Variants in MACROD2 observed in about 807,000 individuals in gnomAD.
MACROD2 encodes the protein mono-ADP ribosylhydrolase 2.
MACROD2 carries 36 observed loss-of-function variants against 70.4 expected under a neutral mutation model. That is an observed-to-expected ratio of 0.51 (90% confidence interval 0.39 to 0.68). MACROD2 has a LOEUF of 0.68. Ranked by LOEUF, MACROD2 falls within the 30% of genes least tolerant of loss-of-function variation. The probability of loss-of-function intolerance (pLI) is 0.00; values close to 1 mark genes in which losing one functional copy is unlikely to be tolerated. For synonymous variants in MACROD2, 172 were observed against 178.8 expected (o/e 0.96, Z 0.30); for missense variants, 496 against 538.4 (o/e 0.92, Z 0.78).
intron 6 of MACROD2, among the ~76,000 whole-genome samples, chr20:15,368,706 AC>A: frequency 6.6e-6 from 1 of 151,210 alleles, no homozygotes; most frequent in East Asian, 2.0e-4. Flanking sequence ...CAAGTGATCC[AC>A]CCTCCTTGTC....
intron 5 of MACROD2, among the ~76,000 whole-genome samples, chr20:14,732,779 C>G (rs942541286): frequency 2.0e-5 from 3 of 151,982 alleles, no homozygotes; most frequent in African/African-American, 7.3e-5. Context: ...TTTTTCTCCC[C>G]CTTCAATCTT....
At chr20:14,653,077 A>C (rs571589018) in intron 4 of MACROD2, among the ~76,000 whole-genome samples, 1 of 152,226 alleles carries the variant, frequency 6.6e-6, no homozygotes, top group East Asian at 1.9e-4. Context: ...CATATAACTC[A>C]TATCACTCTG....
intron 5 of MACROD2, among the ~76,000 whole-genome samples, chr20:14,973,041 A>G (rs557188383): frequency 3.9e-5 from 6 of 152,164 alleles, no homozygotes; most frequent in African/African-American, 1.2e-4. Context: ...TCTACATCCT[A>G]GCAAGCTGTT....
intron 10 of MACROD2, among the ~76,000 whole-genome samples, chr20:15,930,963 C>A (rs542435538): frequency 2.6e-5 from 4 of 152,222 alleles, no homozygotes; most frequent in Non-Finnish European, 5.9e-5. Context: ...TACCCCTACT[C>A]TGTAGAAGAT....
At chr20:14,132,381 G>C (rs1200934263) in intron 3 of MACROD2, among the ~76,000 whole-genome samples, 1 of 152,020 alleles carries the variant, frequency 6.6e-6, no homozygotes, top group Admixed American at 6.5e-5. Context: ...TGAATTTTAA[G>C]TAAATGCTGA....
intron 8 of MACROD2, among the ~76,000 whole-genome samples, chr20:15,558,794 A>G (rs2048202550): frequency 6.6e-6 from 1 of 152,216 alleles, no homozygotes; most frequent in South Asian, 2.1e-4. Context: ...TACATTAAAA[A>G]TGTTACTGAA....
chr20:15,189,847 T>C (rs2076558891), intron 5 of MACROD2, among the ~76,000 whole-genome samples: 1 of 152,158 alleles, frequency 6.6e-6, no homozygotes, highest in South Asian at 2.1e-4. Flanking sequence ...AGATGATTTT[T>C]TTTTTCCAAC....
intron 8 of MACROD2, among the ~76,000 whole-genome samples, chr20:15,707,474 A>G (rs1458828142): frequency 6.6e-6 from 1 of 152,200 alleles, no homozygotes; most frequent in Non-Finnish European, 1.5e-5. Flanking sequence ...TCTAGTGGAA[A>G]GGGAAAGATA....
At chr20:14,218,788 A>G (rs1334962542) in intron 3 of MACROD2, among the ~76,000 whole-genome samples, 5 of 152,162 alleles carry the variant, frequency 3.3e-5, no homozygotes, top group African/African-American at 1.2e-4. Flanking sequence ...TTCTTCATAT[A>G]TGATGGTTAG....
chr20:15,614,661 A>G (rs990476711), intron 8 of MACROD2, among the ~76,000 whole-genome samples: 2 of 152,242 alleles, frequency 1.3e-5, no homozygotes, highest in Admixed American at 6.5e-5. Context: ...ATTGTATACA[A>G]AAAGGATTGT....
chr20:15,759,381 A>G (rs1244614106), intron 8 of MACROD2, among the ~76,000 whole-genome samples: 1 of 152,174 alleles, frequency 6.6e-6, no homozygotes, highest in African/African-American at 2.4e-5. Context: ...AGAAATGTGT[A>G]CTCCAATGCA....
At chr20:15,112,641 C>T (rs921146139) in intron 5 of MACROD2, among the ~76,000 whole-genome samples, 2 of 152,088 alleles carry the variant, frequency 1.3e-5, no homozygotes, top group South Asian at 2.1e-4. Flanking sequence ...TGGTTAAACA[C>T]GTATAACAAA....
chr20:14,617,075 T>C (rs1222422925), intron 4 of MACROD2, among the ~76,000 whole-genome samples: 2 of 152,108 alleles, frequency 1.3e-5, no homozygotes, highest in African/African-American at 2.4e-5. Flanking sequence ...TGTTGGAGAG[T>C]TCCTAGTCAT....
chr20:15,679,200 G>A (rs1354171370), intron 8 of MACROD2, among the ~76,000 whole-genome samples: 3 of 147,066 alleles, frequency 2.0e-5, no homozygotes, highest in African/African-American at 7.7e-5. Flanking sequence ...TCATGTCACT[G>A]CACTCCAGCC....
At chr20:14,227,147 T>C (rs2081745592) in intron 3 of MACROD2, among the ~76,000 whole-genome samples, 1 of 152,138 alleles carries the variant, frequency 6.6e-6, no homozygotes, top group Admixed American at 6.5e-5. Flanking sequence ...GGTGGGGCCT[T>C]GGAGAACCTT....
intron 15 of MACROD2, among the ~76,000 whole-genome samples, chr20:15,995,419 G>A (rs962571660): frequency 6.6e-6 from 1 of 151,224 alleles, no homozygotes; most frequent in Admixed American, 6.6e-5. Context: ...GCGCGATCTG[G>A]GCTCACTGCA....
chr20:15,649,062 T>G, intron 8 of MACROD2, among the ~76,000 whole-genome samples: 1 of 145,224 alleles, frequency 6.9e-6, no homozygotes, highest in Non-Finnish European at 1.5e-5. Flanking sequence ...GCTTTTTTCT[T>G]TTCTCCTCCC....
intron 6 of MACROD2, among the ~76,000 whole-genome samples, chr20:15,323,753 A>G (rs2077897209): frequency 6.6e-6 from 1 of 152,024 alleles, no homozygotes. Flanking sequence ...GGAAACTTTT[A>G]TGACTCTAGT....
chr20:15,962,591 C>T (rs1405945090), intron 12 of MACROD2, among the ~76,000 whole-genome samples: 1 of 152,038 alleles, frequency 6.6e-6, no homozygotes, highest in Non-Finnish European at 1.5e-5. Context: ...GGTAGTTTTC[C>T]CAGCCATGTC....
Sources: gnomAD v4.1 joint callset for allele counts (sites outside exome capture counted in the v4.1 genomes callset) on GRCh38, gnomAD v4.1.1 for gene constraint, MANE v1.5 for transcripts, NCBI Gene and HGNC (gene_info 2026-07-23, HGNC 2026-07-21) for gene names.